The following PTGER4 variants were observed in gnomAD, a reference collection of about 807,000 sequenced individuals.
The protein encoded by PTGER4 is prostaglandin E2 receptor EP4 subtype.
Under a neutral mutation model 33.2 loss-of-function variants are expected in PTGER4, and 11 were observed. The observed-to-expected ratio is 0.33, with a 90% confidence interval of 0.21 to 0.55. PTGER4 has a LOEUF of 0.55. Ranked by LOEUF, PTGER4 falls within the 20% of genes least tolerant of loss-of-function variation. The pLI is 0.92. For missense variants in PTGER4, 481 were observed against 650.2 expected (o/e 0.74, Z 2.83); for synonymous variants, 275 against 281.5 (o/e 0.98, Z 0.23).
At chr5:40,722,812 A>C in the PTGER4 span, among the ~76,000 whole-genome samples, 4 of 144,922 alleles carry the variant, frequency 2.8e-5, no homozygotes, top group East Asian at 8.7e-4. Context: ...CCCATCCGGG[A>C]GGTGGGGGGC....
chr5:40,681,944 T>C lies in PTGER4; in HGVS notation c.867+84T>C, dbSNP rs1158979151. On this transcript the variant is annotated intron_variant, in intron 2 of 2. Transcript: ENST00000302472. This position sits in a 1 kb window ranked among gnomAD's most constrained non-coding sequence, Gnocchi z 9.8. ...CATTCCCCGCTCCCTGCTTTCCCTCTGAGTCCTTGGCAGTGAACGTGTCGC... is the reference window on the plus strand; with the variant it reads ...CATTCCCCGCTCCCTGCTTTCCCTCCGAGTCCTTGGCAGTGAACGTGTCGC... The C allele has an allele frequency of 7.0e-7, 1 of 1,431,790 alleles. No homozygotes were observed. Among genetic ancestry groups the C allele is most frequent in the South Asian group, 1.4e-5 (1 of 69,254 alleles). The allele number at this position is 1,431,790 out of a possible 1,614,324, so 88.7% of individuals were successfully genotyped here.
chr5:40,697,160 G>C (rs1219539061), downstream of PTGER4, among the ~76,000 whole-genome samples: 1 of 125,936 alleles, frequency 7.9e-6, no homozygotes, highest in Non-Finnish European at 1.7e-5. Flanking sequence ...GAGAAAGAAA[G>C]AAAAGAAAGA....
chr5:40,684,611 G>C (rs1741282631), intron 2 of PTGER4, among the ~76,000 whole-genome samples: 2 of 152,294 alleles, frequency 1.3e-5, no homozygotes, highest in Admixed American at 6.5e-5. Flanking sequence ...TTCATAAATA[G>C]AGTTAAGATT....
chr5:40,686,928 A>G (rs1411420328), intron 2 of PTGER4, among the ~76,000 whole-genome samples: 1 of 152,178 alleles, frequency 6.6e-6, no homozygotes, highest in Non-Finnish European at 1.5e-5. Flanking sequence ...GAATACTGTA[A>G]TATGCCAATA....
chr5:40,712,853 A>G, the PTGER4 span, among the ~76,000 whole-genome samples: 1 of 152,172 alleles, frequency 6.6e-6, no homozygotes, highest in Non-Finnish European at 1.5e-5. Context: ...TAGTTCATAT[A>G]TAGTGCACAT....
the PTGER4 span, among the ~76,000 whole-genome samples, chr5:40,737,853 G>C: frequency 5.4e-3 from 829 of 152,212 alleles, 13 homozygotes; most frequent in African/African-American, 0.019. Flanking sequence ...TACTCTTCCT[G>C]ACTTCTTTCC....
chr5:40,736,053 T>A, the PTGER4 span, among the ~76,000 whole-genome samples: 1 of 152,088 alleles, frequency 6.6e-6, no homozygotes, highest in Admixed American at 6.6e-5. Context: ...AGAAACAGAT[T>A]ATATAAAAAT....
In PTGER4 at chr5:40,690,929, C is replaced by T. The variant is rs536796858; in HGVS notation, c.868-850C>T. 2.0e-5 allele frequency among the ~76,000 whole-genome samples: 3 copies of T among 152,340 alleles called. No individual in the cohort carries two copies. In the South Asian group the frequency reaches 6.2e-4, roughly 32 times the overall value. On this transcript the variant is annotated intron_variant, in intron 2 of 2. Transcript: ENST00000302472. Reference sequence around the variant, plus strand: ...TGCATTTTTGTATACTGTCTTTGCTCTAGGGAAGATAATCATAAGATAGTT... The same window carrying T: ...TGCATTTTTGTATACTGTCTTTGCTTTAGGGAAGATAATCATAAGATAGTT...
At chr5:40,729,111 A>AT in the PTGER4 span, among the ~76,000 whole-genome samples, 1 of 152,200 alleles carries the variant, frequency 6.6e-6, no homozygotes, top group African/African-American at 2.4e-5. Context: ...TACAAACATT[A>AT]TTATCAGGTT....
intron 2 of PTGER4, chr5:40,685,603 T>A: frequency 4.9e-6 from 1 of 203,626 alleles, no homozygotes; most frequent in Non-Finnish European, 8.7e-6. Flanking sequence ...GACCCAGTAG[T>A]AGTAACCTGA....
At chr5:40,722,153 C>T in the PTGER4 span, among the ~76,000 whole-genome samples, 9 of 151,676 alleles carry the variant, frequency 5.9e-5, no homozygotes, top group Non-Finnish European at 1.2e-4. Context: ...TGCAGTGAGC[C>T]GAGATCGCAC....
the PTGER4 span, among the ~76,000 whole-genome samples, chr5:40,723,650 A>G: frequency 6.6e-6 from 1 of 152,188 alleles, no homozygotes; most frequent in African/African-American, 2.4e-5. Flanking sequence ...GGATCACCTG[A>G]GACCAGGAGT....
At chr5:40,731,644 G>A in the PTGER4 span, among the ~76,000 whole-genome samples, 1 of 152,142 alleles carries the variant, frequency 6.6e-6, no homozygotes, top group Non-Finnish European at 1.5e-5. Context: ...GGCAGAAACT[G>A]CCGCCATAAT....
chr5:40,716,001 C>A, the PTGER4 span: 164 of 614,926 alleles, frequency 2.7e-4, no homozygotes, highest in African/African-American at 2.8e-3. Flanking sequence ...AATAATCCTG[C>A]CATTTTAGTT....
At chr5:40,740,945 A>G in the PTGER4 span, among the ~76,000 whole-genome samples, 4 of 152,078 alleles carry the variant, frequency 2.6e-5, no homozygotes, top group African/African-American at 9.7e-5. Context: ...TTTTTAATAT[A>G]TCTTCCATTT....
At chr5:40,705,419 A>C in the PTGER4 span, among the ~76,000 whole-genome samples, 1 of 152,220 alleles carries the variant, frequency 6.6e-6, no homozygotes, top group Non-Finnish European at 1.5e-5. Flanking sequence ...GAATGGGCAA[A>C]GATTTCATGA....
the PTGER4 span, among the ~76,000 whole-genome samples, chr5:40,740,402 AT>A: frequency 6.6e-6 from 1 of 151,976 alleles, no homozygotes; most frequent in Non-Finnish European, 1.5e-5. Context: ...TCTGAAAGAT[AT>A]TTTTATAATA....
At chr5:40,704,336 A>C in the PTGER4 span, among the ~76,000 whole-genome samples, 1 of 152,208 alleles carries the variant, frequency 6.6e-6, no homozygotes, top group Non-Finnish European at 1.5e-5. Context: ...AACAAAGCTC[A>C]AAATAGTAAG....
the PTGER4 span, among the ~76,000 whole-genome samples, chr5:40,713,435 G>A: frequency 6.6e-6 from 1 of 152,050 alleles, no homozygotes; most frequent in African/African-American, 2.4e-5. Context: ...TTTACCATAC[G>A]GCATCAATTC....
Sources: allele counts gnomAD v4.1 joint callset (sites outside exome capture counted in the v4.1 genomes callset), GRCh38; gene constraint gnomAD v4.1.1; non-coding constraint Gnocchi (gnomAD v3.1); transcripts MANE v1.5; gene names NCBI Gene and HGNC (gene_info 2026-07-23, HGNC 2026-07-21).